MMS22L: variants seen among roughly 807,000 people sequenced by gnomAD.
MMS22L encodes protein MMS22-like.
A neutral mutation model predicts 159.1 loss-of-function variants in MMS22L; 74 were observed. That is an observed-to-expected ratio of 0.47 (90% confidence interval 0.39 to 0.56). MMS22L has a LOEUF of 0.56. Ranked by LOEUF, MMS22L falls within the 20% of genes least tolerant of loss-of-function variation. MMS22L has a pLI of 0.00. For synonymous variants in MMS22L, 517 were observed against 506.9 expected (o/e 1.02, Z -0.27); for missense variants, 1,351 against 1,422.1 (o/e 0.95, Z 0.80).
At chr6:97,250,550 C>T (rs1813134083) in intron 10 of MMS22L, among the ~76,000 whole-genome samples, 3 of 152,096 alleles carry the variant, frequency 2.0e-5, no homozygotes, top group African/African-American at 4.8e-5. Context: ...GAGAGTAACC[C>T]ACTCTCATCT....
intron 14 of MMS22L, among the ~76,000 whole-genome samples, chr6:97,225,820 C>T (rs1156373101): frequency 6.6e-6 from 1 of 152,150 alleles, no homozygotes; most frequent in Non-Finnish European, 1.5e-5. Context: ...ATCCGCCCAC[C>T]TCGGCCTCCC....
intron 10 of MMS22L, among the ~76,000 whole-genome samples, chr6:97,251,765 TCTC>T (rs1813258614): frequency 6.6e-6 from 1 of 152,120 alleles, no homozygotes; most frequent in African/African-American, 2.4e-5. Flanking sequence ...AAAGCAATAA[TCTC>T]CTCTGGAGTT....
chr6:97,246,781 A>C, intron 10 of MMS22L, 91 bp from the exon 11 acceptor site: 3 of 775,820 alleles, frequency 3.9e-6, no homozygotes, highest in South Asian at 3.8e-5. Context: ...TGTGCAGTAC[A>C]TTTTCCTCTA....
chr6:97,248,440 A>G (rs1326737581), intron 10 of MMS22L, among the ~76,000 whole-genome samples: 1 of 152,228 alleles, frequency 6.6e-6, no homozygotes, highest in East Asian at 1.9e-4. Context: ...GTGACACAGC[A>G]ATAGATTACT....
intron 3 of MMS22L, 83 bp downstream of exon 3, chr6:97,281,154 A>G: frequency 7.7e-7 from 1 of 1,306,972 alleles, no homozygotes. Context: ...CTTTTGTAAT[A>G]TCAGTATTAG....
chr6:97,149,232 C>A (rs1050130610), intron 24 of MMS22L, among the ~76,000 whole-genome samples: 5 of 152,086 alleles, frequency 3.3e-5, no homozygotes, highest in African/African-American at 4.8e-5. Context: ...TCTTTAATAA[C>A]CTTTAGGACA....
chr6:97,180,299 C>T (rs1804580956), intron 16 of MMS22L, among the ~76,000 whole-genome samples: 1 of 152,046 alleles, frequency 6.6e-6, no homozygotes, highest in South Asian at 2.1e-4. Flanking sequence ...GACAGCGTTT[C>T]ACCGTGTTAG....
Position 97,282,489 on chromosome 6 carries a change from T to C in MMS22L, c.-12A>G. 1 of 1,586,230 alleles carries C rather than the reference T, an allele frequency of 6.3e-7. No individual in the cohort carries two copies. The highest frequency in any genetic ancestry group is 8.6e-7 in the Non-Finnish European group (1 of 1,166,042). ...GAACAGTTCTCCATTGTTTACTTCA[T>C]GTTCTGAAACACTTGGGGTTCGTCG... is the stretch of plus-strand genomic sequence containing the variant. On this transcript the variant is annotated 5_prime_UTR_variant, in exon 2 of 25. An upstream start codon of the reference 5' UTR is lost. Coordinates refer to ENST00000683635, the MANE Select transcript of MMS22L (RefSeq NM_001350599.2).
At chr6:97,261,025 G>A (rs1335310453) in intron 9 of MMS22L, 1 of 151,956 alleles carries the variant, frequency 6.6e-6, no homozygotes, top group African/African-American at 2.4e-5. Context: ...CATGTCATGT[G>A]GACACTTTTA....
At chr6:97,250,425 T>C (rs764301626) in intron 10 of MMS22L, among the ~76,000 whole-genome samples, 21 of 152,210 alleles carry the variant, frequency 1.4e-4, no homozygotes, top group Non-Finnish European at 3.1e-4. Context: ...GCCTGACTAA[T>C]TGCATTATGT....
intron 14 of MMS22L, among the ~76,000 whole-genome samples, chr6:97,196,024 T>C (rs548413138): frequency 1.6e-4 from 25 of 152,154 alleles, no homozygotes; most frequent in East Asian, 1.5e-3. Context: ...AAAGAGAAAA[T>C]TGAAGTAACA....
At chr6:97,227,176 GA>G (rs11290743) in intron 14 of MMS22L, among the ~76,000 whole-genome samples, 97,641 of 150,736 alleles carry the variant, frequency 0.65, 32,940 homozygotes, top group Non-Finnish European at 0.76. Flanking sequence ...AACCTATGAG[GA>G]AAAAAAAAAC....
intron 14 of MMS22L, among the ~76,000 whole-genome samples, chr6:97,194,624 A>T (rs1806280397): frequency 1.3e-5 from 2 of 152,210 alleles, no homozygotes; most frequent in Non-Finnish European, 2.9e-5. Flanking sequence ...TGCAACTAGC[A>T]GTTCATAGAC....
intron 9 of MMS22L, among the ~76,000 whole-genome samples, chr6:97,262,601 G>A (rs1240593698): frequency 1.4e-5 from 2 of 145,570 alleles, no homozygotes; most frequent in African/African-American, 5.1e-5. Context: ...CCGAGATCAT[G>A]CCAAGGTGGA....
intron 18 of MMS22L, among the ~76,000 whole-genome samples, chr6:97,175,869 G>A (rs1378790018): frequency 1.3e-5 from 2 of 152,144 alleles, no homozygotes; most frequent in Admixed American, 6.6e-5. Flanking sequence ...TTGAGAAAAT[G>A]TCTGCCAAAT....
rs1814046442 is a variant in MMS22L at position 97,258,268 on chromosome 6, C to T, written c.943-3535G>A. ...TAGACCTTAAGGCTGACTCTCATGT[C>T]CTTCTGACATGTACTCATCATTTTT... On this transcript the variant is annotated intron_variant, in intron 9 of 24. Coordinates refer to ENST00000683635, the MANE Select transcript of MMS22L (RefSeq NM_001350599.2). Among the ~76,000 whole-genome samples, 3 of 152,148 alleles carry T rather than the reference C, an allele frequency of 2.0e-5. No homozygotes were observed. The South Asian group carries it at 6.2e-4, about 32-fold the overall frequency.
intron 14 of MMS22L, among the ~76,000 whole-genome samples, chr6:97,201,254 A>C (rs1807124370): frequency 6.6e-6 from 1 of 152,164 alleles, no homozygotes. Context: ...TATTCTTTTG[A>C]GAAAAATCAG....
chr6:97,244,571 T>C (rs1812430601), intron 11 of MMS22L, among the ~76,000 whole-genome samples: 1 of 152,154 alleles, frequency 6.6e-6, no homozygotes, highest in Non-Finnish European at 1.5e-5. Context: ...CAGAAGAACA[T>C]GAAAAGACTA....
At chr6:97,159,285 T>A (rs1240074938) in intron 22 of MMS22L, among the ~76,000 whole-genome samples, 1 of 152,054 alleles carries the variant, frequency 6.6e-6, no homozygotes, top group Non-Finnish European at 1.5e-5. Flanking sequence ...AATCGGGGCA[T>A]TTAGCCCATT....
Sources: allele counts gnomAD v4.1 joint callset (sites outside exome capture counted in the v4.1 genomes callset), GRCh38; gene constraint gnomAD v4.1.1; transcripts MANE v1.5; gene names NCBI Gene and HGNC (gene_info 2026-07-23, HGNC 2026-07-21).